Variants in PPP2R2C observed in about 807,000 individuals in gnomAD.
PPP2R2C encodes protein phosphatase 2 regulatory subunit Bgamma.
Under a neutral mutation model 45.3 loss-of-function variants are expected in PPP2R2C, and 10 were observed. That is an observed-to-expected ratio of 0.22 (90% CI 0.14 to 0.37). The LOEUF (loss-of-function observed/expected upper bound fraction) is 0.37, where lower values mean the gene tolerates loss of function less well. PPP2R2C is among the 10% of genes least tolerant of loss of function. The pLI, the probability that PPP2R2C is intolerant of heterozygous loss-of-function variation, is 1.00. For missense variants in PPP2R2C, 308 were observed against 619.7 expected, an observed-to-expected ratio of 0.50 and a Z score of 5.34; for synonymous variants, 257 against 245.4, an observed-to-expected ratio of 1.05 and a Z score of -0.44.
chr4:6,531,456 C>T (rs545070664), intron 2 of PPP2R2C, among the ~76,000 whole-genome samples: 10 of 152,300 alleles, frequency 6.6e-5, no homozygotes, highest in African/African-American at 2.2e-4. Flanking sequence ...CTACAACCGC[C>T]AGGAAACAAG....
chr4:6,379,170 C>T (rs1484450061), intron 2 of PPP2R2C, among the ~76,000 whole-genome samples: 4 of 152,120 alleles, frequency 2.6e-5, no homozygotes, highest in Non-Finnish European at 5.9e-5. Context: ...CAATGTCAGA[C>T]CTGGATTGGA....
chr4:6,402,028 T>C (rs1287653146), intron 1 of PPP2R2C, among the ~76,000 whole-genome samples: 2 of 152,340 alleles, frequency 1.3e-5, no homozygotes, highest in Non-Finnish European at 2.9e-5. Flanking sequence ...GGCATCCTCA[T>C]CTGCGCATTG....
In PPP2R2C at chr4:6,329,465, C is replaced by A; in HGVS notation, c.961-112G>T. 3 of 853,652 alleles carry A rather than the reference C, an allele frequency of 3.5e-6. No homozygotes were observed. Among genetic ancestry groups the A allele is most frequent in the Non-Finnish European group, 3.9e-6 (2 of 512,758 alleles). The allele number at this position is 853,652 out of a possible 1,614,324, so 52.9% of individuals were successfully genotyped here. ...GTCTGCATGCCCTGACATGGCCCAG[C>A]GCAGACCTGCTCATCTCAGCGAGGG... is the stretch of plus-strand genomic sequence containing the variant. On this transcript the variant is annotated intron_variant, in intron 7 of 8. Transcript: ENST00000382599. The surrounding 1 kb of genome is among the most constrained non-coding windows in gnomAD (Gnocchi z 5.8).
chr4:6,404,657 T>TG (rs11461620), intron 1 of PPP2R2C, among the ~76,000 whole-genome samples: 65,894 of 151,852 alleles, frequency 0.43, 15,113 homozygotes, highest in East Asian at 0.84. Context: ...GATGCTGGTG[T>TG]GGGCCCAGGA....
Position 6,324,725 on chromosome 4 carries a change from T to C in PPP2R2C, c.1053-1132A>G, listed in dbSNP as rs1458055859. Among the ~76,000 whole-genome samples, 1 of 152,156 alleles carries C rather than the reference T, an allele frequency of 6.6e-6. No homozygotes were observed. The highest frequency in any genetic ancestry group is 1.5e-5 in the Non-Finnish European group (1 of 68,030). On this transcript the variant is annotated intron_variant, in intron 8 of 8. Coordinates refer to ENST00000382599, the MANE Select transcript of PPP2R2C (RefSeq NM_020416.4). The surrounding 1 kb of genome is among the most constrained non-coding windows in gnomAD (Gnocchi z 4.1). ...AGAATTCCACACCATTTCTCTGCTC[T>C]CCCTGCTCCTAAGGAGAAGGGGTTC...
At chr4:6,549,666 C>T (rs2108838805) in intron 1 of PPP2R2C, among the ~76,000 whole-genome samples, 1 of 152,336 alleles carries the variant, frequency 6.6e-6, no homozygotes, top group East Asian at 1.9e-4. Flanking sequence ...GCTGTGTGAC[C>T]TCACGTAACC....
chr4:6,388,291 G>A (rs1366154911), intron 1 of PPP2R2C, among the ~76,000 whole-genome samples: 1 of 152,166 alleles, frequency 6.6e-6, no homozygotes, highest in African/African-American at 2.4e-5. Flanking sequence ...GAGGTGAGAG[G>A]TGGTATCCCT....
rs1233674787 is a variant in PPP2R2C at position 6,345,105 on chromosome 4, T to C, written c.790+2741A>G. On this transcript the variant is annotated intron_variant, in intron 6 of 8. Coordinates refer to ENST00000382599, the MANE Select transcript of PPP2R2C (RefSeq NM_020416.4). This position sits in a 1 kb window ranked among gnomAD's most constrained non-coding sequence, Gnocchi z 5.3. ...AAGATTGGGATATTGAGGATGTTTC[T>C]GGATTTCCACCCCTATAAACAACAG... Among the ~76,000 whole-genome samples the C allele has an allele frequency of 6.6e-6, 1 of 152,238 alleles. No homozygotes were observed. The highest frequency in any genetic ancestry group is 1.9e-4 in the East Asian group (1 of 5,204).
At position 6,329,401 on chromosome 4, in the gene PPP2R2C, C is replaced by A. The variant is rs1464667753; in HGVS notation, c.961-48G>T. On this transcript the variant is annotated intron_variant, in intron 7 of 8. Coordinates refer to ENST00000382599, the MANE Select transcript of PPP2R2C (RefSeq NM_020416.4). The surrounding 1 kb of genome is among the most constrained non-coding windows in gnomAD (Gnocchi z 5.8). ...GAGTGGACGGGGCGTCCCGACCATC[C>A]TGGCCCTTCCACAAGAAGGGTCTCA... 6.6e-7 allele frequency: 1 copy of A among 1,523,582 alleles called. No homozygotes were observed. The highest frequency in any genetic ancestry group is 1.7e-5 in the Admixed American group (1 of 59,420). The allele number at this position is 1,523,582 out of a possible 1,614,324, so 94.4% of individuals were successfully genotyped here. A position where few individuals can be genotyped will look rare whatever the true frequency, so the allele number is the denominator to read the frequency against.
intron 1 of PPP2R2C, chr4:6,382,214 G>T: frequency 8.3e-7 from 1 of 1,202,812 alleles, no homozygotes; most frequent in South Asian, 1.5e-5. Context: ...ATAGGCCCAA[G>T]CAGCAAAAGC....
intron 1 of PPP2R2C, among the ~76,000 whole-genome samples, chr4:6,558,315 T>TC (rs1211468761): frequency 6.6e-6 from 1 of 152,138 alleles, no homozygotes; most frequent in African/African-American, 2.4e-5. Context: ...AGGGGCCCCA[T>TC]CCCCTTGCTT....
chr4:6,491,026 C>T (rs768096276), intron 2 of PPP2R2C, among the ~76,000 whole-genome samples: 79 of 152,330 alleles, frequency 5.2e-4, no homozygotes, highest in African/African-American at 1.8e-3. Context: ...CACCACCCCA[C>T]GTAAACCCTC....
At chr4:6,534,898 C>T (rs995272252) in intron 2 of PPP2R2C, among the ~76,000 whole-genome samples, 20 of 152,240 alleles carry the variant, frequency 1.3e-4, no homozygotes, top group Non-Finnish European at 2.6e-4. Flanking sequence ...CCCCAGGGGC[C>T]GGCCCAGTGC....
intron 4 of PPP2R2C, among the ~76,000 whole-genome samples, chr4:6,374,296 C>T (rs866023822): frequency 5.9e-5 from 9 of 152,284 alleles, no homozygotes; most frequent in South Asian, 2.1e-4. Context: ...CCAGTTCATC[C>T]AGTGCTCCAG....
At chr4:6,389,657 C>A (rs1243151637) in intron 1 of PPP2R2C, among the ~76,000 whole-genome samples, 1 of 152,154 alleles carries the variant, frequency 6.6e-6, no homozygotes, top group Non-Finnish European at 1.5e-5. Flanking sequence ...GGTGACGTGG[C>A]GTCTGTGGTT....
chr4:6,392,612 G>C (rs1479197979), intron 1 of PPP2R2C, among the ~76,000 whole-genome samples: 1 of 152,226 alleles, frequency 6.6e-6, no homozygotes, highest in South Asian at 2.1e-4. Context: ...CCAGCAAGGA[G>C]GCCAGTGTGC....
chr4:6,433,489 AC>A (rs1033205734), intron 1 of PPP2R2C, among the ~76,000 whole-genome samples: 6 of 151,982 alleles, frequency 3.9e-5, no homozygotes, highest in African/African-American at 1.5e-4. Flanking sequence ...ATTCTGTAAG[AC>A]CCAGCAGCAT....
intron 8 of PPP2R2C, among the ~76,000 whole-genome samples, chr4:6,325,867 T>C (rs995690457): frequency 6.6e-6 from 1 of 152,218 alleles, no homozygotes; most frequent in African/African-American, 2.4e-5. Context: ...GCTCCGCTCC[T>C]CTTTCCTTTG....
At chr4:6,492,963 C>T (rs1051412592) in intron 2 of PPP2R2C, among the ~76,000 whole-genome samples, 6 of 152,086 alleles carry the variant, frequency 3.9e-5, no homozygotes. Flanking sequence ...GATCTGCTTC[C>T]CCTCCCCAGT....
Sources: allele counts gnomAD v4.1 joint callset (sites outside exome capture counted in the v4.1 genomes callset), GRCh38; gene constraint gnomAD v4.1.1; non-coding constraint Gnocchi (gnomAD v3.1); transcripts MANE v1.5; gene names NCBI Gene and HGNC (gene_info 2026-07-23, HGNC 2026-07-21).